The following CHGB variants were observed in gnomAD, a reference collection of about 807,000 sequenced individuals.
CHGB encodes chromogranin B.
CHGB carries 46 observed loss-of-function variants against 69.9 expected under a neutral mutation model. The ratio of observed to expected loss-of-function variants is 0.66; its 90% CI spans 0.52 to 0.84. The LOEUF (loss-of-function observed/expected upper bound fraction) is 0.84, where lower values mean the gene tolerates loss of function less well. Among genes scored for constraint, CHGB ranks in the 40% least tolerant of loss-of-function variants. The pLI is 0.00. For missense variants in CHGB, 796 were observed against 822.2 expected, an observed-to-expected ratio of 0.97 and a Z score of 0.39; for synonymous variants, 312 against 298.2, an observed-to-expected ratio of 1.05 and a Z score of -0.48.
At position 5,916,024 on chromosome 20, in the gene CHGB, T is replaced by A. The variant is rs549871966; in HGVS notation, c.50-302T>A. On this transcript the variant is annotated intron_variant, in intron 1 of 4. Transcript: ENST00000378961. ...CACCGCACCCAGCCCTAGCTTAAACTTTTAATTGAAATAAAATATATAGAA... is the reference window on the plus strand; with the variant it reads ...CACCGCACCCAGCCCTAGCTTAAACATTTAATTGAAATAAAATATATAGAA... 5 of 239,828 alleles carry A rather than the reference T, an allele frequency of 2.1e-5. No homozygotes were observed. In the South Asian group the frequency reaches 5.5e-4, roughly 26 times the overall value. 14.9% of individuals were successfully genotyped at this position (239,828 alleles called of 1,614,324 possible). A position where few individuals can be genotyped will look rare whatever the true frequency, so the allele number is the denominator to read the frequency against.
chr20:5,914,177 T>TA (rs1227614117), intron 1 of CHGB, among the ~76,000 whole-genome samples: 2 of 152,228 alleles, frequency 1.3e-5, no homozygotes, highest in Non-Finnish European at 2.9e-5. Context: ...ACCTGAATCT[T>TA]ACTGTATGCA....
At chr20:5,915,445 A>G (rs992654344) in intron 1 of CHGB, 1 of 152,212 alleles carries the variant, frequency 6.6e-6, no homozygotes, top group Non-Finnish European at 1.5e-5. Context: ...GATATCTGCC[A>G]TGTTCTTTAC....
intron 3 of CHGB, chr20:5,917,168 TTGAA>T: frequency 2.0e-6 from 1 of 512,004 alleles, no homozygotes; most frequent in Non-Finnish European, 3.5e-6. Flanking sequence ...AATGAAGGAG[TTGAA>T]CTCAGTGATA....
chr20:5,921,909 T>A (rs184278424), intron 3 of CHGB, among the ~76,000 whole-genome samples: 61 of 152,366 alleles, frequency 4.0e-4, no homozygotes, highest in African/African-American at 1.4e-3. Flanking sequence ...GCTAACTTTT[T>A]AACTCCTACT....
Position 5,923,280 on chromosome 20 carries a change from A to G in CHGB, c.1136A>G (p.Glu379Gly), listed in dbSNP as rs1200486045. Residue 379 changes from glutamate to glycine, a missense_variant, in exon 4 of 5, where the codon GAG becomes GGG. Physicochemically the swap from Glu to Gly is moderately conservative, Grantham distance 98. Around this residue, in one of 3 missense-constraint regions of CHGB, gnomAD observed 518 missense variants for 506.3 expected, o/e 1.02. Transcript: ENST00000378961. ...EYRAPRPQSE[E>G]SWDEEDKRNY... The stretch of plus-strand genomic sequence containing the variant: ...AGGGCTCCAAGACCTCAGAGTGAGG[A>G]GAGTTGGGATGAGGAGGACAAGAGA... The G allele has an allele frequency of 1.9e-6, 3 of 1,613,638 alleles. No individual in the cohort carries two copies. Among genetic ancestry groups the G allele is most frequent in the Non-Finnish European group, 2.5e-6 (3 of 1,179,972 alleles).
At chr20:5,924,890 C>G in intron 4 of CHGB, 82 bp from the exon 5 acceptor site, 1 of 774,696 alleles carries the variant, frequency 1.3e-6, no homozygotes, top group Non-Finnish European at 2.2e-6. Context: ...CCTAAAATTC[C>G]CCTTTGCACT....
At chr20:5,912,629 A>AGT (rs1363408000) in intron 1 of CHGB, among the ~76,000 whole-genome samples, 19 of 151,584 alleles carry the variant, frequency 1.3e-4, no homozygotes, top group Non-Finnish European at 7.4e-5. Context: ...GAAGATCTGA[A>AGT]GTGTGTGTGT....
chr20:5,920,548 TC>T (rs2088507914), intron 3 of CHGB, among the ~76,000 whole-genome samples: 1 of 152,186 alleles, frequency 6.6e-6, no homozygotes, highest in African/African-American at 2.4e-5. Context: ...ATCATCTCTT[TC>T]TCATATCTCC....
Position 5,916,313 on chromosome 20 carries a change from T to C in CHGB, c.50-13T>C. The C allele has an allele frequency of 6.2e-7, 1 of 1,612,290 alleles. No homozygotes were observed. The highest frequency in any genetic ancestry group is 8.5e-7 in the Non-Finnish European group (1 of 1,178,752). On this transcript the variant is annotated splice_polypyrimidine_tract_variant and intron_variant, in intron 1 of 4. Transcript: ENST00000378961. ...CAACTCAAGTCATTTTCCATTCTTT[T>C]TCTCCTTCAAAGCTGTCAATTCCAT... is the stretch of plus-strand genomic sequence containing the variant.
At chr20:5,917,187 T>G in intron 3 of CHGB, 1 of 461,642 alleles carries the variant, frequency 2.2e-6, no homozygotes, top group Non-Finnish European at 4.0e-6. Flanking sequence ...GTGATAGTCT[T>G]TCAGATGTCT....
chr20:5,922,520 G>C lies in CHGB; in HGVS notation c.376G>C (p.Gly126Arg), dbSNP rs200658508. The change falls in exon 4 of 5, where the codon GGA (glycine) becomes CGA (arginine). Residue 126 changes from glycine to arginine, a missense_variant. Around this residue, in one of 3 missense-constraint regions of CHGB, gnomAD observed 518 missense variants for 506.3 expected, o/e 1.02. Transcript: ENST00000378961. ...TKADTEKWAE[G>R]GGHSRERADE... is the part of the protein sequence containing the mutation. ...GGCAGACACAGAGAAATGGGCAGAGGGAGGCGGGCACAGCCGAGAGCGAGC... is the reference window on the plus strand; with the variant it reads ...GGCAGACACAGAGAAATGGGCAGAGCGAGGCGGGCACAGCCGAGAGCGAGC... 1 of 1,613,044 alleles carries C rather than the reference G, an allele frequency of 6.2e-7. No individual in the cohort carries two copies.
chr20:5,917,123 G>A, intron 3 of CHGB: 3 of 591,116 alleles, frequency 5.1e-6, no homozygotes, highest in Non-Finnish European at 6.1e-6. Flanking sequence ...TGTGACTATA[G>A]GAAAGACAGT....
rs765528020 is a variant in CHGB at position 5,923,140 on chromosome 20, C to A, written c.996C>A (p.Tyr332Ter). 1 of 1,614,178 alleles carries A rather than the reference C, an allele frequency of 6.2e-7. No individual in the cohort carries two copies. The highest frequency in any genetic ancestry group is 8.5e-7 in the Non-Finnish European group (1 of 1,180,028). The change falls in exon 4 of 5, where the codon TAC (tyrosine) becomes TAA (stop). Residue 332 changes from tyrosine (Y) to a stop codon, truncating the protein, a stop_gained. Transcript: ENST00000378961. LOFTEE classifies it high-confidence loss of function. Reference protein sequence around the residue: ...GEKRDHHSTHYRASEEEPEYG... With the variant: ...GEKRDHHSTH ...AGAGGGACCACCATTCAACCCACTA[C>A]AGGGCTTCAGAGGAAGAACCTGAAT...
At chr20:5,913,628 C>CTTTTTTTTTTTT (rs918275521) in intron 1 of CHGB, among the ~76,000 whole-genome samples, 12 of 90,474 alleles carry the variant, frequency 1.3e-4, no homozygotes, top group East Asian at 3.6e-4. Flanking sequence ...CTTTTCTTTT[C>CTTTTTTTTTTTT]TTTTTTTTTT....
Position 5,922,339 on chromosome 20 carries a change from A to G in CHGB, c.195A>G (p.Arg65=). Residue 65 remains arginine (R), a synonymous_variant, in exon 4 of 5, where the codon AGA becomes AGG. Coordinates refer to ENST00000378961, the MANE Select transcript of CHGB (RefSeq NM_001819.3). Reference sequence around the variant, plus strand: ...TACTCTTCATTTTCATTATAGGTAGAAAAGACGTCAAAGACAAAGAGACAA... The same window carrying G: ...TACTCTTCATTTTCATTATAGGTAGGAAAGACGTCAAAGACAAAGAGACAA... The part of the protein sequence containing the change: ...PECRQVLKTS[R]KDVKDKETTE... 6.5e-7 allele frequency: 1 copy of G among 1,538,584 alleles called. No homozygotes were observed. The highest frequency in any genetic ancestry group is 1.3e-5 in the South Asian group (1 of 79,406).
Position 5,923,608 on chromosome 20 carries a change from C to G in CHGB, c.1464C>G (p.Asp488Glu). The change falls in exon 4 of 5, where the codon GAC becomes GAG. Residue 488 changes from aspartate to glutamate, a missense_variant. Transcript: ENST00000378961. ...GAPGKWQQQGDLQDTKENREE... is the reference protein window; with the variant it reads ...GAPGKWQQQGELQDTKENREE... The stretch of plus-strand genomic sequence containing the variant: ...CAGGGAAGTGGCAGCAGCAGGGAGA[C>G]CTGCAGGACACTAAAGAAAACAGGG... 6.2e-7 allele frequency: 1 copy of G among 1,614,044 alleles called. No individual in the cohort carries two copies. Among genetic ancestry groups the G allele is most frequent in the Non-Finnish European group, 8.5e-7 (1 of 1,180,024 alleles).
At chr20:5,913,983 A>G (rs991792380) in intron 1 of CHGB, among the ~76,000 whole-genome samples, 1 of 152,216 alleles carries the variant, frequency 6.6e-6, no homozygotes, top group East Asian at 1.9e-4. Context: ...TTTTACAGTT[A>G]TATTTTCAAT....
chr20:5,911,595 G>A lies in CHGB; in HGVS notation c.-39G>A. On this transcript the variant is annotated 5_prime_UTR_variant, in exon 1 of 5. Transcript: ENST00000378961. ...TGCGCCTCGCTTCTCCGGTCCAGCC[G>A]CCATCTTCCTTTCCGCACAGGGGCC... 1 of 1,517,676 alleles carries A rather than the reference G, an allele frequency of 6.6e-7. No individual in the cohort carries two copies. 94.0% of individuals were successfully genotyped at this position (1,517,676 alleles called of 1,614,324 possible).
chr20:5,917,009 T>C (rs1401808920), intron 3 of CHGB, 90 bp downstream of exon 3: 16 of 1,195,238 alleles, frequency 1.3e-5, no homozygotes, highest in Non-Finnish European at 2.0e-5. Context: ...TATCTACAAA[T>C]GACCTGGGGG....
Sources: gnomAD v4.1 joint callset for allele counts (sites outside exome capture counted in the v4.1 genomes callset) on GRCh38, gnomAD v4.1.1 for gene constraint, gnomAD v4.1.1 regional missense constraint, MANE v1.5 for transcripts, NCBI Gene and HGNC (gene_info 2026-07-23, HGNC 2026-07-21) for gene names.